The following POLH variants were observed in gnomAD, a reference collection of about 807,000 sequenced individuals.
POLH encodes DNA polymerase eta transcript.
Under a neutral mutation model 73.6 loss-of-function variants are expected in POLH, and 53 were observed. The ratio of observed to expected loss-of-function variants is 0.72; its 90% CI spans 0.58 to 0.91. The LOEUF (loss-of-function observed/expected upper bound fraction) is 0.91. Ranked by LOEUF, POLH falls within the 40% of genes least tolerant of loss-of-function variation. POLH has a pLI of 0.00. For missense variants in POLH, 768 were observed against 865.4 expected (o/e 0.89, Z 1.41); for synonymous variants, 292 against 308.5 (o/e 0.95, Z 0.56).
rs768885085 is a variant in POLH, at chr6:43,616,935, A to G, written c.*2378A>G. ...CCAGGCGTGGTGGTTTATGCCTGTT[A>G]TCCCAGCACTTTGGGAGGCCAAGGC... On this transcript the variant is annotated 3_prime_UTR_variant, in exon 11 of 11. Transcript: ENST00000372236. Among the ~76,000 whole-genome samples the G allele has an allele frequency of 6.6e-5, 10 of 152,366 alleles. No individual in the cohort carries two copies. Among genetic ancestry groups the G allele is most frequent in the Non-Finnish European group, 1.2e-4 (8 of 68,034 alleles).
chr6:43,593,878 CA>C (rs768129925), intron 4 of POLH, among the ~76,000 whole-genome samples: 4,737 of 85,082 alleles, frequency 0.056, 106 homozygotes, highest in African/African-American at 0.16. Flanking sequence ...GACTCCGTCT[CA>C]AAAAAAAAAA....
chr6:43,576,211 G>A lies in POLH; in HGVS notation c.-234G>A. On this transcript the variant is annotated 5_prime_UTR_variant, in exon 1 of 11. Coordinates refer to ENST00000372236, the MANE Select transcript of POLH (RefSeq NM_006502.3). ...GTCTGGCGGCTGCATTGCTGGGCGC[G>A]CCGCTCTCGTCTGATCCCTGCTGGG... 1 of 212,296 alleles carries A rather than the reference G, an allele frequency of 4.7e-6. No individual in the cohort carries two copies. Among genetic ancestry groups the A allele is most frequent in the Non-Finnish European group, 9.3e-6 (1 of 107,684 alleles). The allele number at this position is 212,296 out of a possible 1,614,324, so 13.2% of individuals were successfully genotyped here. A position where few individuals can be genotyped will look rare whatever the true frequency, so the allele number is the denominator to read the frequency against.
rs370702004 is a variant in POLH, at chr6:43,601,606, G to A, written c.764+515G>A. On this transcript the variant is annotated intron_variant, in intron 6 of 10. Transcript: ENST00000372236. ...TTGAACCTTCAATTCTGGGTTATCT[G>A]TGGCAGATACTTAATCCTGAATTAA... Among the ~76,000 whole-genome samples, 45 of 152,130 alleles carry A rather than the reference G, an allele frequency of 3.0e-4. 1 individual carries two copies. The highest frequency in any genetic ancestry group is 1.1e-3 in the African/African-American group (44 of 41,536).
chr6:43,605,175 A>T, intron 8 of POLH, 79 bp from the exon 9 acceptor site: 2 of 847,524 alleles, frequency 2.4e-6, no homozygotes, highest in Non-Finnish European at 4.0e-6. Context: ...GGGAGAAAAA[A>T]AAGAACAAAT....
At chr6:43,601,128 T>C in intron 6 of POLH, 37 bp downstream of exon 6, 1 of 1,391,466 alleles carries the variant, frequency 7.2e-7, no homozygotes, top group Non-Finnish European at 1.0e-6. Flanking sequence ...TTCACTTCTA[T>C]CCATGTGTAG....
chr6:43,616,088 A>G lies in POLH; in HGVS notation c.*1531A>G, dbSNP rs1193292799. 6.6e-6 allele frequency among the ~76,000 whole-genome samples: 1 copy of G among 151,926 alleles called. No homozygotes were observed. The highest frequency in any genetic ancestry group is 1.5e-5 in the Non-Finnish European group (1 of 67,940). On this transcript the variant is annotated 3_prime_UTR_variant, in exon 11 of 11. Coordinates refer to ENST00000372236, the MANE Select transcript of POLH (RefSeq NM_006502.3). Reference sequence around the variant, plus strand: ...CGGATCACAAGGTCAGGAGATCGAGACCACGGTGAAACCCCGTCTCTACTA... The same window carrying G: ...CGGATCACAAGGTCAGGAGATCGAGGCCACGGTGAAACCCCGTCTCTACTA...
chr6:43,590,677 C>A (rs978098757), intron 4 of POLH, among the ~76,000 whole-genome samples: 3 of 152,004 alleles, frequency 2.0e-5, no homozygotes, highest in African/African-American at 7.3e-5. Context: ...AATCCCAGCA[C>A]TTTGGGAGGC....
intron 4 of POLH, among the ~76,000 whole-genome samples, chr6:43,589,861 T>C (rs973545867): frequency 5.9e-5 from 9 of 152,168 alleles, no homozygotes; most frequent in African/African-American, 2.2e-4. Context: ...TCTCACTATG[T>C]TGCCCAGGCT....
Position 43,616,972 on chromosome 6 carries a change from G to A in POLH, c.*2415G>A, listed in dbSNP as rs1768388887. Among the ~76,000 whole-genome samples, 1 of 151,632 alleles carries A rather than the reference G, an allele frequency of 6.6e-6. No individual in the cohort carries two copies. On this transcript the variant is annotated 3_prime_UTR_variant, in exon 11 of 11. Transcript: ENST00000372236. ...TGGGAGGCCAAGGCAGGTGGACCAC[G>A]TGAAGTCAGGAGTTCAAGACAAGCA...
In POLH at chr6:43,610,056, CTTTTTTT is replaced by C. The variant is rs1297780442; in HGVS notation, c.1075-481_1075-475del. On this transcript the variant is annotated intron_variant, in intron 9 of 10. Coordinates refer to ENST00000372236, the MANE Select transcript of POLH (RefSeq NM_006502.3). ...GCATTCTGTTGCATATATATAGATT[CTTTTTTT>C]TTTTTTTTTTTTTTTTGAGACAGAG... 2.1e-3 allele frequency among the ~76,000 whole-genome samples: 204 copies of C among 98,502 alleles called. 1 individual carries two copies. Among genetic ancestry groups the C allele is most frequent in the Middle Eastern group, 7.8e-3 (1 of 128 alleles). The allele number at this position is 98,502 out of a possible 152,430, so 64.6% of individuals were successfully genotyped here.
At chr6:43,596,477 C>T (rs747700262) in intron 4 of POLH, among the ~76,000 whole-genome samples, 6 of 150,772 alleles carry the variant, frequency 4.0e-5, no homozygotes, top group Non-Finnish European at 7.4e-5. Flanking sequence ...AGTGAGACTT[C>T]GTCTCAAAAA....
intron 4 of POLH, among the ~76,000 whole-genome samples, chr6:43,589,067 T>C (rs1414024659): frequency 6.6e-6 from 1 of 151,268 alleles, no homozygotes; most frequent in East Asian, 2.0e-4. Flanking sequence ...CTCGATCTCC[T>C]GACCTTGTGA....
rs1435798394 is a variant in POLH, at chr6:43,613,708, C to CTCTGCCCCT, written c.1296_1304dup (p.Ala433_Ser435dup). ...TCCTCTGTGCTACAAAATTTTCTGC[C>CTCTGCCCCT]TCTGCCCCTTCATCTTCTACAGACA... On this transcript the variant is annotated inframe_insertion, in exon 11 of 11. Coordinates refer to ENST00000372236, the MANE Select transcript of POLH (RefSeq NM_006502.3). The CTCTGCCCCT allele has an allele frequency of 6.2e-7, 1 of 1,613,940 alleles. No individual in the cohort carries two copies. The highest frequency in any genetic ancestry group is 1.3e-5 in the African/African-American group (1 of 75,018).
Position 43,614,238 on chromosome 6 carries a change from C to T in POLH, c.1823C>T (p.Ser608Leu), listed in dbSNP as rs774744250. 1 of 1,608,168 alleles carries T rather than the reference C, an allele frequency of 6.2e-7. No individual in the cohort carries two copies. Among genetic ancestry groups the T allele is most frequent in the Non-Finnish European group, 8.5e-7 (1 of 1,175,766 alleles). ...AHNSQSMHASSASKSVLEVTQ... is the reference protein window; with the variant it reads ...AHNSQSMHASLASKSVLEVTQ... The stretch of plus-strand genomic sequence containing the variant: ...AACAGCCAAAGCATGCACGCCTCTT[C>T]AGCTTCCAAATCTGTGCTGGAGGTG... Residue 608 changes from serine (S) to leucine (L), a missense_variant, in exon 11 of 11, where the codon TCA becomes TTA. Transcript: ENST00000372236.
rs1374205342 is a variant in POLH at position 43,617,902 on chromosome 6, C to A, written c.*3345C>A. Among the ~76,000 whole-genome samples, 2 of 150,492 alleles carry A rather than the reference C, an allele frequency of 1.3e-5. No individual in the cohort carries two copies. The highest frequency in any genetic ancestry group is 4.9e-5 in the African/African-American group (2 of 40,554). The stretch of plus-strand genomic sequence containing the variant: ...GCCACTGCACTGCACCCTGGCGACA[C>A]AGCAAGACTGTCTCAAAAAAAAAAA... On this transcript the variant is annotated 3_prime_UTR_variant, in exon 11 of 11. Transcript: ENST00000372236.
Position 43,597,744 on chromosome 6 carries a change from T to C in POLH, c.539T>C (p.Ile180Thr), listed in dbSNP as rs752215374. Residue 180 changes from isoleucine (I) to threonine (T), a missense_variant, in exon 5 of 11, where the codon ATT becomes ACT. Coordinates refer to ENST00000372236, the MANE Select transcript of POLH (RefSeq NM_006502.3). Reference protein sequence around the residue: ...GLFQWLDSLQIDNLTSPDLQL... With the variant: ...GLFQWLDSLQTDNLTSPDLQL... ...TTTCAATGGCTCGATTCTCTTCAGA[T>C]TGATAACCTCACCTCTCCAGACCTG... The C allele has an allele frequency of 1.2e-6, 2 of 1,614,106 alleles. No homozygotes were observed. Among genetic ancestry groups the C allele is most frequent in the Non-Finnish European group, 1.7e-6 (2 of 1,179,962 alleles).
In POLH at chr6:43,618,500, CT is replaced by C. The variant is rs1561919053; in HGVS notation, c.*3947del. 6.6e-6 allele frequency among the ~76,000 whole-genome samples: 1 copy of C among 152,046 alleles called. No individual in the cohort carries two copies. Among genetic ancestry groups the C allele is most frequent in the South Asian group, 2.1e-4 (1 of 4,822 alleles). ...CACTCTTGTGTGTGAAAAGTCAGCT[CT>C]TTTGGCTTTTCTGTTATGGGGAAAC... On this transcript the variant is annotated 3_prime_UTR_variant, in exon 11 of 11. Transcript: ENST00000372236.
At chr6:43,579,477 A>G (rs1452466509) in intron 1 of POLH, among the ~76,000 whole-genome samples, 1 of 152,216 alleles carries the variant, frequency 6.6e-6, no homozygotes, top group African/African-American at 2.4e-5. Flanking sequence ...AGCAAAAGGA[A>G]GTTCCTGGAG....
At chr6:43,587,158 A>G (rs1433033853) in intron 3 of POLH, 114 bp from the exon 4 acceptor site, 52 of 837,846 alleles carry the variant, frequency 6.2e-5, no homozygotes, top group Admixed American at 1.7e-4. Context: ...CTGTTAAGCC[A>G]CATGTCTCTT....
Sources: allele counts gnomAD v4.1 joint callset (sites outside exome capture counted in the v4.1 genomes callset), GRCh38; gene constraint gnomAD v4.1.1; transcripts MANE v1.5; gene names NCBI Gene and HGNC (gene_info 2026-07-23, HGNC 2026-07-21).